The following NRROS variants were observed in gnomAD, a reference collection of about 807,000 sequenced individuals.
NRROS encodes the protein negative regulator of reactive oxygen species.
In NRROS, 6 loss-of-function variants were observed where a neutral mutation model predicts 12.0. The ratio of observed to expected loss-of-function variants is 0.50; its 90% CI spans 0.27 to 0.98. NRROS has a LOEUF of 0.98. Among genes scored for constraint, NRROS ranks in the 50% least tolerant of loss-of-function variants. The pLI is 0.11. For missense variants in NRROS, 857 were observed against 888.2 expected (o/e 0.96, Z 0.45); for synonymous variants, 462 against 410.2 (o/e 1.13, Z -1.53).
At chr3:196,655,062 C>G (rs1008449363) in intron 2 of NRROS, 1 of 176,688 alleles carries the variant, frequency 5.7e-6, no homozygotes, top group Non-Finnish European at 1.2e-5. Flanking sequence ...CATGATGAAA[C>G]CACATCTCTA....
In NRROS at chr3:196,654,689, C is replaced by T; in HGVS notation, c.108+42C>T. On this transcript the variant is annotated intron_variant, in intron 2 of 2. Coordinates refer to ENST00000328557, the MANE Select transcript of NRROS (RefSeq NM_198565.3). This position sits in a 1 kb window ranked among gnomAD's most constrained non-coding sequence, Gnocchi z 4.4. ...CCCTGATCTGTCGGCTGCTCCTGTC[C>T]TGACAAGGCTTGGTCCATTTGGAAA... 8.0e-7 allele frequency: 1 copy of T among 1,247,130 alleles called. No individual in the cohort carries two copies. The highest frequency in any genetic ancestry group is 1.2e-6 in the Non-Finnish European group (1 of 860,904). 77.3% of individuals were successfully genotyped at this position (1,247,130 alleles called of 1,614,324 possible).
rs1466803738 is a variant in NRROS at position 196,659,769 on chromosome 3, C to T, written c.126C>T (p.Asp42=). ...GGCCGCAGGTGGGTGGAGCCGCTGA[C>T]TGCCGAGGGCAGAGCCTCGCTTCGG... ...GVCKLVGGAA[D]CRGQSLASVP... The change falls in exon 3 of 3, where the codon GAC becomes GAT. Residue 42 remains aspartate (D), a synonymous_variant. Coordinates refer to ENST00000328557, the MANE Select transcript of NRROS (RefSeq NM_198565.3). The T allele has an allele frequency of 1.2e-6, 2 of 1,609,618 alleles. No individual in the cohort carries two copies. Among genetic ancestry groups the T allele is most frequent in the African/African-American group, 1.3e-5 (1 of 74,842 alleles).
chr3:196,641,454 A>G (rs1341444139), intron 1 of NRROS, among the ~76,000 whole-genome samples: 1 of 151,976 alleles, frequency 6.6e-6, no homozygotes, highest in Admixed American at 6.5e-5. Flanking sequence ...GGCTCAAGCA[A>G]TCCTCCTGCC....
chr3:196,654,266 T>C lies in NRROS; in HGVS notation c.-13-261T>C, dbSNP rs1737489421. Among the ~76,000 whole-genome samples, 2 of 152,334 alleles carry C rather than the reference T, an allele frequency of 1.3e-5. No homozygotes were observed. Among genetic ancestry groups the C allele is most frequent in the African/African-American group, 4.8e-5 (2 of 41,584 alleles). On this transcript the variant is annotated intron_variant, in intron 1 of 2. Transcript: ENST00000328557. The surrounding 1 kb of genome is among the most constrained non-coding windows in gnomAD (Gnocchi z 4.4). ...TTTGCTTCTCCCTTCTGTGCTGGAC[T>C]CGCTGAAGTTTAGTGTTCAGCCACC...
At chr3:196,642,795 G>T (rs1450097877) in intron 1 of NRROS, among the ~76,000 whole-genome samples, 1 of 152,158 alleles carries the variant, frequency 6.6e-6, no homozygotes, top group African/African-American at 2.4e-5. Flanking sequence ...CTTTCGGCCG[G>T]GCGCGGTGGC....
chr3:196,641,630 A>G (rs12152276), intron 1 of NRROS, among the ~76,000 whole-genome samples: 8,555 of 152,340 alleles, frequency 0.056, 326 homozygotes, highest in Admixed American at 0.082. Flanking sequence ...GGTAGACTCC[A>G]AAACAGAGAG....
rs372967822 is a variant in NRROS, at chr3:196,660,199, C to A, written c.556C>A (p.Leu186Met). 5.0e-6 allele frequency: 8 copies of A among 1,613,204 alleles called. No individual in the cohort carries two copies. Among genetic ancestry groups the A allele is most frequent in the Non-Finnish European group, 6.8e-6 (8 of 1,180,050 alleles). Residue 186 changes from leucine (L) to methionine (M), a missense_variant, in exon 3 of 3, where the codon CTG becomes ATG. Transcript: ENST00000328557. This position sits in a 1 kb window ranked among gnomAD's most constrained non-coding sequence, Gnocchi z 7.7. ...CGAGGGCCTGGAGCGTCTCCGGGAG[C>A]TGGATCTGCAGAGGAACTACATCTT... ...VFEGLERLRE[L>M]DLQRNYIFEI...
chr3:196,649,954 A>G (rs1360953706), intron 1 of NRROS, among the ~76,000 whole-genome samples: 1 of 152,160 alleles, frequency 6.6e-6, no homozygotes, highest in African/African-American at 2.4e-5. Flanking sequence ...CAGCTCTGGC[A>G]GCAGCTGCTC....
intron 1 of NRROS, among the ~76,000 whole-genome samples, chr3:196,653,382 A>G (rs978515023): frequency 6.6e-6 from 1 of 152,186 alleles, no homozygotes; most frequent in Non-Finnish European, 1.5e-5. Flanking sequence ...CAAGATCCCT[A>G]AATGCATTTG....
intron 1 of NRROS, among the ~76,000 whole-genome samples, chr3:196,644,959 TA>T (rs994630569): frequency 6.0e-5 from 9 of 149,182 alleles, no homozygotes; most frequent in Admixed American, 2.0e-4. Context: ...GCAAGACCTC[TA>T]AAAAAAAAGG....
intron 1 of NRROS, among the ~76,000 whole-genome samples, chr3:196,653,812 T>C (rs541501352): frequency 4.6e-4 from 70 of 152,344 alleles, no homozygotes; most frequent in Non-Finnish European, 8.7e-4. Context: ...CTGGTGCGTG[T>C]ATACCTTCAA....
Position 196,639,862 on chromosome 3 carries a change from C to G in NRROS, c.-27C>G, listed in dbSNP as rs1463800883. On this transcript the variant is annotated 5_prime_UTR_variant, in exon 1 of 3. Coordinates refer to ENST00000328557, the MANE Select transcript of NRROS (RefSeq NM_198565.3). ...ACGATGCGCCCCGCGCAGCCGCCTG[C>G]GCCTGCGGGAGCCGTGAGTATTTCC... is the stretch of plus-strand genomic sequence containing the variant. 1 of 152,364 alleles carries G rather than the reference C, an allele frequency of 6.6e-6. No homozygotes were observed. The highest frequency in any genetic ancestry group is 2.4e-5 in the African/African-American group (1 of 41,472). The allele number at this position is 152,364 out of a possible 1,614,324, so 9.4% of individuals were successfully genotyped here. A position where few individuals can be genotyped will look rare whatever the true frequency, so the allele number is the denominator to read the frequency against.
rs530371873 is a variant in NRROS at position 196,661,875 on chromosome 3, C to T, written c.*153C>T. 987 of 517,510 alleles carry T rather than the reference C, an allele frequency of 1.9e-3. 6 individuals are homozygous for T. The highest frequency in any genetic ancestry group is 2.7e-3 in the Non-Finnish European group (842 of 309,516). The allele number at this position is 517,510 out of a possible 1,614,324, so 32.1% of individuals were successfully genotyped here. Reference sequence around the variant, plus strand: ...CCATTCCTCATCGCCCACCCCACCCCCGCCCCCACCACCGCCCAAGTTCTT... The same window carrying T: ...CCATTCCTCATCGCCCACCCCACCCTCGCCCCCACCACCGCCCAAGTTCTT... On this transcript the variant is annotated 3_prime_UTR_variant, in exon 3 of 3. Transcript: ENST00000328557.
At chr3:196,658,838 C>CGCA (rs1737593658) in intron 2 of NRROS, among the ~76,000 whole-genome samples, 1 of 151,910 alleles carries the variant, frequency 6.6e-6, no homozygotes, top group Non-Finnish European at 1.5e-5. Flanking sequence ...GGCGTGGTGG[C>CGCA]ATGTGCCTGT....
chr3:196,649,532 C>T (rs184190680), intron 1 of NRROS, among the ~76,000 whole-genome samples: 10,796 of 151,916 alleles, frequency 0.071, 713 homozygotes, highest in African/African-American at 0.18. Context: ...AGTGCAGTGG[C>T]GTGATCTCGG....
intron 2 of NRROS, among the ~76,000 whole-genome samples, chr3:196,659,343 C>G (rs1397553480): frequency 6.9e-6 from 1 of 144,426 alleles, no homozygotes; most frequent in African/African-American, 2.6e-5. Flanking sequence ...CTCTGTCGCC[C>G]AGGCTGGAGT....
chr3:196,649,967 G>A (rs560089017), intron 1 of NRROS, among the ~76,000 whole-genome samples: 8 of 152,292 alleles, frequency 5.3e-5, no homozygotes, highest in South Asian at 2.1e-4. Flanking sequence ...AGCTGCTCAC[G>A]TAGTAGCAGT....
intron 1 of NRROS, among the ~76,000 whole-genome samples, chr3:196,649,084 G>A (rs1408427419): frequency 6.6e-6 from 1 of 152,170 alleles, no homozygotes; most frequent in Non-Finnish European, 1.5e-5. Flanking sequence ...CTCTCACCAC[G>A]GGGGTGTTGA....
At chr3:196,652,439 A>C (rs1737445986) in intron 1 of NRROS, among the ~76,000 whole-genome samples, 1 of 152,218 alleles carries the variant, frequency 6.6e-6, no homozygotes, top group South Asian at 2.1e-4. Flanking sequence ...CCCATTTTGT[A>C]GACGGATTCT....
Sources: allele counts gnomAD v4.1 joint callset (sites outside exome capture counted in the v4.1 genomes callset), GRCh38; gene constraint gnomAD v4.1.1; non-coding constraint Gnocchi (gnomAD v3.1); transcripts MANE v1.5; gene names NCBI Gene and HGNC (gene_info 2026-07-23, HGNC 2026-07-21).